Variants in STAG1 observed in about 807,000 individuals in gnomAD.
STAG1 encodes the protein STAG1 cohesin complex component, also known as cohesin subunit SA-1.
In STAG1, 26 loss-of-function variants were observed where a neutral mutation model predicts 170.9. The ratio of observed to expected loss-of-function variants is 0.15; its 90% confidence interval spans 0.11 to 0.21. The LOEUF (loss-of-function observed/expected upper bound fraction) is 0.21, where lower values mean the gene tolerates loss of function less well. Among genes scored for constraint, STAG1 ranks in the 10% least tolerant of loss-of-function variants. The pLI is 1.00. For missense variants in STAG1, 964 were observed against 1,509.5 expected (o/e 0.64, Z 5.99); for synonymous variants, 514 against 497.7 (o/e 1.03, Z -0.44).
intron 7 of STAG1, among the ~76,000 whole-genome samples, chr3:136,516,137 C>G (rs1403780389): frequency 1.3e-5 from 2 of 151,960 alleles, no homozygotes; most frequent in East Asian, 3.9e-4. Flanking sequence ...CCATAGAAAC[C>G]AGAAACAATC....
intron 13 of STAG1, among the ~76,000 whole-genome samples, chr3:136,452,397 T>C (rs2088969681): frequency 6.6e-6 from 1 of 151,794 alleles, no homozygotes; most frequent in African/African-American, 2.4e-5. Flanking sequence ...ATCCCGTCTC[T>C]ACTAAAAATA....
At chr3:136,497,298 T>G (rs1933159342) in intron 9 of STAG1, among the ~76,000 whole-genome samples, 1 of 152,144 alleles carries the variant, frequency 6.6e-6, no homozygotes, top group South Asian at 2.1e-4. Flanking sequence ...AAGTTAGAGC[T>G]ATTTATCCCT....
chr3:136,660,367 A>G (rs1941538965), intron 1 of STAG1, among the ~76,000 whole-genome samples: 1 of 152,238 alleles, frequency 6.6e-6, no homozygotes, highest in African/African-American at 2.4e-5. Context: ...AAGAAAAAAG[A>G]TAATAAAATT....
intron 1 of STAG1, among the ~76,000 whole-genome samples, chr3:136,656,992 G>C (rs1941401462): frequency 6.6e-6 from 1 of 150,526 alleles, no homozygotes; most frequent in African/African-American, 2.4e-5. Context: ...TATCCACTCT[G>C]AACTACTTTA....
At chr3:136,345,090 T>C (rs1936163813) in intron 29 of STAG1, among the ~76,000 whole-genome samples, 1 of 152,098 alleles carries the variant, frequency 6.6e-6, no homozygotes, top group Non-Finnish European at 1.5e-5. Flanking sequence ...AAATGGTTTA[T>C]AAATATATAT....
chr3:136,399,555 A>C (rs1303487612), intron 21 of STAG1, among the ~76,000 whole-genome samples: 1 of 152,170 alleles, frequency 6.6e-6, no homozygotes, highest in Non-Finnish European at 1.5e-5. Context: ...GCATGTACCT[A>C]GAGTTCATTA....
intron 28 of STAG1, among the ~76,000 whole-genome samples, chr3:136,352,641 A>G (rs183646800): frequency 5.5e-4 from 84 of 152,264 alleles, no homozygotes; most frequent in South Asian, 5.4e-3. Flanking sequence ...ACTTTATGAT[A>G]GTGCTTTTAG....
chr3:136,449,397 C>T (rs1043312710), intron 14 of STAG1, among the ~76,000 whole-genome samples: 1 of 151,964 alleles, frequency 6.6e-6, no homozygotes, highest in Non-Finnish European at 1.5e-5. Context: ...CCTGTCTCTA[C>T]TAAAAATACA....
chr3:136,420,696 C>T (rs1423815654), intron 20 of STAG1, among the ~76,000 whole-genome samples: 1 of 152,218 alleles, frequency 6.6e-6, no homozygotes, highest in Non-Finnish European at 1.5e-5. Flanking sequence ...GCCTTGAACT[C>T]CTGGGCTCAA....
intron 16 of STAG1, among the ~76,000 whole-genome samples, chr3:136,430,623 G>T (rs1356696221): frequency 1.0e-5 from 1 of 95,296 alleles, no homozygotes; most frequent in Non-Finnish European, 2.1e-5. Context: ...TAGCTGAAGA[G>T]CTTAAAAAAA....
At chr3:136,626,637 T>C (rs1394363364) in intron 2 of STAG1, among the ~76,000 whole-genome samples, 7 of 152,156 alleles carry the variant, frequency 4.6e-5, no homozygotes, top group Admixed American at 4.6e-4. Context: ...CCGGATCCAG[T>C]CAATCTTATT....
At chr3:136,685,796 G>C (rs1478790014) in intron 1 of STAG1, among the ~76,000 whole-genome samples, 1 of 152,096 alleles carries the variant, frequency 6.6e-6, no homozygotes, top group African/African-American at 2.4e-5. Context: ...AGTATGCCGA[G>C]TATCAAAATC....
chr3:136,357,577 G>T (rs553899508), intron 28 of STAG1, 143 bp downstream of exon 28: 2 of 601,070 alleles, frequency 3.3e-6, no homozygotes, highest in Non-Finnish European at 5.4e-6. Flanking sequence ...ATGCTTGAAG[G>T]AAAACTATAA....
Position 136,563,509 on chromosome 3 carries a change from G to A in STAG1, c.394+5256C>T, listed in dbSNP as rs963365587. ...CACCTCAATTCCCTCTAAACTTTCC[G>A]ACACACACACACGCACGCACGCACA... On this transcript the variant is annotated intron_variant, in intron 5 of 33. Coordinates refer to ENST00000383202, the MANE Select transcript of STAG1 (RefSeq NM_005862.3). 1.5e-4 allele frequency among the ~76,000 whole-genome samples: 22 copies of A among 150,358 alleles called. 1 individual carries two copies. The highest frequency in any genetic ancestry group is 1.2e-4 in the Non-Finnish European group (8 of 67,660).
intron 1 of STAG1, among the ~76,000 whole-genome samples, chr3:136,643,839 T>C (rs1008571817): frequency 2.4e-4 from 36 of 152,194 alleles, no homozygotes; most frequent in Admixed American, 2.0e-3. Context: ...TGAGGAAAGA[T>C]GTTTGTTTAC....
chr3:136,545,141 C>T lies in STAG1; in HGVS notation c.395-2946G>A, dbSNP rs530929728. Among the ~76,000 whole-genome samples the T allele has an allele frequency of 3.9e-5, 6 of 152,142 alleles. No individual in the cohort carries two copies. The East Asian group carries it at 9.7e-4, about 25-fold the overall frequency. On this transcript the variant is annotated intron_variant, in intron 5 of 33. Transcript: ENST00000383202. ...TCAGCTCACTGCAACCTCCGCCTCC[C>T]GGGTTCAAGTGATTCTCCTGCCTCA...
intron 3 of STAG1, among the ~76,000 whole-genome samples, chr3:136,617,086 A>T (rs1279187161): frequency 6.6e-6 from 1 of 152,222 alleles, no homozygotes; most frequent in Non-Finnish European, 1.5e-5. Context: ...AGCAAAACTT[A>T]CTTGCAAAAC....
chr3:136,736,517 T>C, intron 1 of STAG1: 16 of 1,436,518 alleles, frequency 1.1e-5, no homozygotes, highest in Non-Finnish European at 1.5e-5. Context: ...CCATTTTTAC[T>C]TTCGGTGGTC....
chr3:136,449,642 G>A (rs952596696), intron 14 of STAG1, among the ~76,000 whole-genome samples: 1 of 151,782 alleles, frequency 6.6e-6, no homozygotes, highest in Non-Finnish European at 1.5e-5. Flanking sequence ...TTTAGAAAAT[G>A]GTAGCAAACA....
Sources: gnomAD v4.1 joint callset for allele counts (sites outside exome capture counted in the v4.1 genomes callset) on GRCh38, gnomAD v4.1.1 for gene constraint, MANE v1.5 for transcripts, NCBI Gene and HGNC (gene_info 2026-07-23, HGNC 2026-07-21) for gene names.